The following CDC16 variants were observed in gnomAD, a reference collection of about 807,000 sequenced individuals.
The protein encoded by CDC16 is cell division cycle 16, also known as cell division cycle protein 16 homolog.
In CDC16, 34 loss-of-function variants were observed where a neutral mutation model predicts 87.0. The ratio of observed to expected loss-of-function variants is 0.39; its 90% CI spans 0.30 to 0.52. CDC16 has a LOEUF of 0.52. Ranked by LOEUF, CDC16 falls within the 20% of genes least tolerant of loss-of-function variation. The probability of loss-of-function intolerance (pLI) is 0.74; values close to 1 mark genes in which losing one functional copy is unlikely to be tolerated. For missense variants in CDC16, 653 were observed against 751.9 expected, an observed-to-expected ratio of 0.87 and a Z score of 1.54; for synonymous variants, 263 against 260.6, an observed-to-expected ratio of 1.01 and a Z score of -0.09.
intron 14 of CDC16, 37 bp downstream of exon 14, chr13:114,259,435 A>G (rs1443709125): frequency 8.6e-7 from 1 of 1,168,324 alleles, no homozygotes; most frequent in Non-Finnish European, 1.2e-6. Context: ...ACACATATAC[A>G]CCCCTGAGTG....
chr13:114,270,612 C>G (rs879787943), intron 17 of CDC16, among the ~76,000 whole-genome samples: 4 of 152,220 alleles, frequency 2.6e-5, no homozygotes, highest in Non-Finnish European at 5.9e-5. Context: ...CTGTGCCATT[C>G]TGGCGGTAGT....
At chr13:114,246,499 T>C (rs1236814827) in intron 10 of CDC16, among the ~76,000 whole-genome samples, 1 of 152,216 alleles carries the variant, frequency 6.6e-6, no homozygotes, top group Non-Finnish European at 1.5e-5. Flanking sequence ...AATCAGGGAC[T>C]GCGTCTTTAA....
At chr13:114,235,956 C>T (rs965918526) in intron 1 of CDC16, among the ~76,000 whole-genome samples, 1 of 152,176 alleles carries the variant, frequency 6.6e-6, no homozygotes, top group Non-Finnish European at 1.5e-5. Flanking sequence ...TTATAACTAT[C>T]CCGTTGGCAT....
intron 12 of CDC16, among the ~76,000 whole-genome samples, chr13:114,255,877 TC>T (rs899745674): frequency 6.6e-6 from 1 of 152,304 alleles, no homozygotes; most frequent in Non-Finnish European, 1.5e-5. Context: ...AGCATTCCTT[TC>T]ACCTTAGCCT....
At chr13:114,251,129 G>A (rs2082149091) in intron 12 of CDC16, among the ~76,000 whole-genome samples, 1 of 152,178 alleles carries the variant, frequency 6.6e-6, no homozygotes, top group African/African-American at 2.4e-5. Flanking sequence ...GAGTATTGCT[G>A]TTCACATTGA....
At chr13:114,248,701 G>A (rs17291285) in intron 11 of CDC16, among the ~76,000 whole-genome samples, 5,405 of 152,034 alleles carry the variant, frequency 0.036, 128 homozygotes, top group Non-Finnish European at 0.049. Context: ...AAAGGGAGTG[G>A]GGGTGGGGGA....
intron 12 of CDC16, among the ~76,000 whole-genome samples, chr13:114,251,252 A>G (rs557261163): frequency 6.6e-6 from 1 of 152,266 alleles, no homozygotes; most frequent in South Asian, 2.1e-4. Context: ...AGTGGTCCAG[A>G]GGCCTGGTCT....
At chr13:114,237,253 T>C (rs1244068396) in intron 3 of CDC16, among the ~76,000 whole-genome samples, 1 of 151,660 alleles carries the variant, frequency 6.6e-6, no homozygotes, top group Non-Finnish European at 1.5e-5. Context: ...GGGTTTTAGG[T>C]GTATATTCCA....
chr13:114,265,498 C>G (rs1288179508), intron 17 of CDC16, among the ~76,000 whole-genome samples: 1 of 152,176 alleles, frequency 6.6e-6, no homozygotes, highest in Non-Finnish European at 1.5e-5. Context: ...GTGTAAAGCA[C>G]TTTGTTATAG....
At chr13:114,239,219 G>A in intron 4 of CDC16, 131 bp from the exon 5 acceptor site, 1 of 1,439,278 alleles carries the variant, frequency 6.9e-7, no homozygotes, top group Non-Finnish European at 9.4e-7. Flanking sequence ...TGACATGCAT[G>A]AAGAAAATTC....
In CDC16 at chr13:114,253,547, G is replaced by A. The variant is rs1043101578; in HGVS notation, c.1097+2873G>A. On this transcript the variant is annotated intron_variant, in intron 12 of 17. Transcript: ENST00000356221. ...TCTACTAAAAATACAAAAATTAGCC[G>A]GGTGTGGTGGCTCACGCCTGTAGTC... 5.9e-5 allele frequency among the ~76,000 whole-genome samples: 9 copies of A among 151,956 alleles called. No homozygotes were observed. The East Asian group carries it at 7.7e-4, about 13-fold the overall frequency.
chr13:114,272,396 G>C lies in CDC16; in HGVS notation c.1816G>C (p.Glu606Gln). 1.2e-6 allele frequency: 2 copies of C among 1,614,126 alleles called. No homozygotes were observed. Among genetic ancestry groups the C allele is most frequent in the Non-Finnish European group, 1.7e-6 (2 of 1,179,954 alleles). The stretch of plus-strand genomic sequence containing the variant: ...AGAAACCTTTGAAATTGAAATGAAT[G>C]AAAGTGACATGATGTTAGAGACATC... ...LEETFEIEMN[E>Q]SDMMLETSMS... The change falls in exon 18 of 18, where the codon GAA becomes CAA. Residue 606 changes from glutamate to glutamine, a missense_variant. Glu to Gln is a conservative substitution (Grantham distance 29). Transcript: ENST00000356221.
chr13:114,235,367 G>A (rs2138825139), intron 1 of CDC16, among the ~76,000 whole-genome samples: 1 of 152,352 alleles, frequency 6.6e-6, no homozygotes, highest in Admixed American at 6.5e-5. Flanking sequence ...GGGCGCCTCA[G>A]TCGGGTCTGA....
chr13:114,237,015 C>T lies in CDC16; in HGVS notation c.201+119C>T, dbSNP rs1017641537. On this transcript the variant is annotated intron_variant, in intron 3 of 17. Coordinates refer to ENST00000356221, the MANE Select transcript of CDC16 (RefSeq NM_001078645.3). Reference sequence around the variant, plus strand: ...CTTTGGAAAGCCAAGGCAGGTGGATCATGAGGTCAGGAGCTCAAGACCAAG... The same window carrying T: ...CTTTGGAAAGCCAAGGCAGGTGGATTATGAGGTCAGGAGCTCAAGACCAAG... The T allele has an allele frequency of 4.0e-5, 23 of 571,644 alleles. No individual in the cohort carries two copies. In the African/African-American group the frequency reaches 4.3e-4, roughly 11 times the overall value. 35.4% of individuals were successfully genotyped at this position (571,644 alleles called of 1,614,324 possible). A position where few individuals can be genotyped will look rare whatever the true frequency, so the allele number is the denominator to read the frequency against.
At chr13:114,262,022 A>G in intron 15 of CDC16, 74 bp downstream of exon 15, 1 of 891,294 alleles carries the variant, frequency 1.1e-6, no homozygotes, top group Non-Finnish European at 1.8e-6. Flanking sequence ...ACTTTGTCAT[A>G]TTCTTATTTC....
At chr13:114,250,729 A>G (rs1336995143) in intron 12 of CDC16, 55 bp downstream of exon 12, 13 of 1,574,222 alleles carry the variant, frequency 8.3e-6, no homozygotes, top group Non-Finnish European at 1.0e-5. Flanking sequence ...CCTAATAGAA[A>G]TGAAATTTCT....
rs200801035 is a variant in CDC16 at position 114,236,776 on chromosome 13, C to G, written c.104-23C>G. On this transcript the variant is annotated intron_variant, in intron 2 of 17. Coordinates refer to ENST00000356221, the MANE Select transcript of CDC16 (RefSeq NM_001078645.3). The stretch of plus-strand genomic sequence containing the variant: ...CTATTTCACCTTGTACCTCTGACCA[C>G]TTATGTGAATTTTTCCCTCCAGAAG... 31 of 1,612,268 alleles carry G rather than the reference C, an allele frequency of 1.9e-5. No homozygotes were observed. The East Asian group carries it at 4.5e-4, about 23-fold the overall frequency.
chr13:114,237,520 G>C (rs755352263), intron 3 of CDC16, among the ~76,000 whole-genome samples: 9 of 152,006 alleles, frequency 5.9e-5, no homozygotes, highest in African/African-American at 1.9e-4. Flanking sequence ...TTGAACTCCT[G>C]GTCTCAAGCA....
chr13:114,236,948 A>G (rs565495986), intron 3 of CDC16, 52 bp downstream of exon 3: 1 of 1,256,626 alleles, frequency 8.0e-7, no homozygotes, highest in Non-Finnish European at 1.1e-6. Flanking sequence ...AAAAAATGTC[A>G]TTAGTGGCCG....
Sources: allele counts gnomAD v4.1 joint callset (sites outside exome capture counted in the v4.1 genomes callset), GRCh38; gene constraint gnomAD v4.1.1; transcripts MANE v1.5; gene names NCBI Gene and HGNC (gene_info 2026-07-23, HGNC 2026-07-21).